QKI: variants seen among roughly 807,000 people sequenced by gnomAD.
QKI encodes the protein KH domain-containing RNA-binding protein QKI.
A neutral mutation model predicts 39.0 loss-of-function variants in QKI; 10 were observed. That is an observed-to-expected ratio of 0.26 (90% CI 0.16 to 0.43). QKI has a LOEUF of 0.43. Ranked by LOEUF, QKI falls within the 20% of genes least tolerant of loss-of-function variation. The pLI is 1.00. For synonymous variants in QKI, 204 were observed against 155.4 expected, an observed-to-expected ratio of 1.31 and a Z score of -2.33; for missense variants, 218 against 428.0, an observed-to-expected ratio of 0.51 and a Z score of 4.33.
At chr6:163,425,043 A>G (rs973335757) in intron 1 of QKI, among the ~76,000 whole-genome samples, 8 of 152,254 alleles carry the variant, frequency 5.3e-5, no homozygotes, top group Admixed American at 5.2e-4. Context: ...TGATGTATCC[A>G]TGTAGGTTCA....
At chr6:163,509,482 G>A (rs1295353141) in intron 3 of QKI, among the ~76,000 whole-genome samples, 1 of 152,006 alleles carries the variant, frequency 6.6e-6, no homozygotes, top group African/African-American at 2.4e-5. Context: ...TAATAAAGGG[G>A]GGGGGGAATA....
At chr6:163,517,081 TTCTCTCTCTC>T (rs757701002) in intron 3 of QKI, among the ~76,000 whole-genome samples, 1 of 97,674 alleles carries the variant, frequency 1.0e-5, no homozygotes, top group African/African-American at 6.3e-5. Flanking sequence ...CTCTCTCTCT[TTCTCTCTCTC>T]TCTCTCTCTC....
rs368091855 is a variant in QKI, at chr6:163,436,579, C to CGAG, written c.143-18698_143-18696dup. The stretch of plus-strand genomic sequence containing the variant: ...CTGTAATCCCAGCACTTTGGGAGGC[C>CGAG]GAGGTGGGCTGATCACTTGAGGCCA... On this transcript the variant is annotated intron_variant, in intron 1 of 7. Transcript: ENST00000361752. 6.3e-4 allele frequency among the ~76,000 whole-genome samples: 96 copies of CGAG among 151,964 alleles called. No individual in the cohort carries two copies. In the East Asian group the frequency reaches 0.018, roughly 28 times the overall value.
chr6:163,538,883 T>G (rs935414790), intron 4 of QKI, among the ~76,000 whole-genome samples: 2 of 152,236 alleles, frequency 1.3e-5, no homozygotes, highest in Non-Finnish European at 2.9e-5. Context: ...TGTCATTTAT[T>G]TACACTTTTA....
intron 7 of QKI, chr6:163,570,409 A>C (rs1042614655): frequency 1.3e-5 from 13 of 974,932 alleles, no homozygotes; most frequent in Non-Finnish European, 1.3e-5. Context: ...ATTAGTTGTT[A>C]GTTGTATTTT....
chr6:163,433,670 G>A (rs1009496694), intron 1 of QKI, among the ~76,000 whole-genome samples: 34 of 152,066 alleles, frequency 2.2e-4, no homozygotes, highest in Non-Finnish European at 8.8e-5. Context: ...GGGAGGCTGA[G>A]GTGGGAGAAT....
In QKI at chr6:163,576,229, C is replaced by T. The variant is rs894832776; in HGVS notation, c.*5519C>T. On this transcript the variant is annotated 3_prime_UTR_variant, in exon 8 of 8. Transcript: ENST00000361752. ...GAGATTTACCAACATTATATGCACT[C>T]GTGCCTTCAATGTGGAATCAAACTG... 1 of 152,074 alleles carries T rather than the reference C, an allele frequency of 6.6e-6. No individual in the cohort carries two copies. Among genetic ancestry groups the T allele is most frequent in the African/African-American group, 2.4e-5 (1 of 41,388 alleles). 9.4% of individuals were successfully genotyped at this position (152,074 alleles called of 1,614,324 possible). A position where few individuals can be genotyped will look rare whatever the true frequency, so the allele number is the denominator to read the frequency against.
At chr6:163,421,703 A>G (rs925009626) in intron 1 of QKI, among the ~76,000 whole-genome samples, 2 of 151,526 alleles carry the variant, frequency 1.3e-5, no homozygotes, top group Non-Finnish European at 2.9e-5. Flanking sequence ...AAACTGATAA[A>G]TTGAAGTTTT....
intron 4 of QKI, among the ~76,000 whole-genome samples, chr6:163,555,509 C>CAG (rs758600870): frequency 1.3e-5 from 1 of 79,392 alleles, no homozygotes; most frequent in African/African-American, 5.3e-5. Flanking sequence ...AACTCCAGCT[C>CAG]AAAAAAAAAA....
In QKI at chr6:163,574,881, T is replaced by C. The variant is rs1783896515; in HGVS notation, c.*4171T>C. 6.6e-6 allele frequency: 1 copy of C among 152,234 alleles called. No individual in the cohort carries two copies. Among genetic ancestry groups the C allele is most frequent in the South Asian group, 2.1e-4 (1 of 4,832 alleles). 9.4% of individuals were successfully genotyped at this position (152,234 alleles called of 1,614,324 possible). A position where few individuals can be genotyped will look rare whatever the true frequency, so the allele number is the denominator to read the frequency against. On this transcript the variant is annotated 3_prime_UTR_variant, in exon 8 of 8. Coordinates refer to ENST00000361752, the MANE Select transcript of QKI (RefSeq NM_006775.3). ...AAATTGAGGGCTGAAATGAATGACATGTAATAGAAGACAAAACTGTACCAA... is the reference window on the plus strand; with the variant it reads ...AAATTGAGGGCTGAAATGAATGACACGTAATAGAAGACAAAACTGTACCAA...
chr6:163,493,124 T>A (rs978612075), intron 3 of QKI, among the ~76,000 whole-genome samples: 1 of 137,110 alleles, frequency 7.3e-6, no homozygotes, highest in Non-Finnish European at 1.5e-5. Flanking sequence ...TAAAAAGTCA[T>A]CTACAATACT....
intron 2 of QKI, among the ~76,000 whole-genome samples, chr6:163,467,566 A>G (rs1231571245): frequency 1.3e-5 from 2 of 152,210 alleles, no homozygotes; most frequent in African/African-American, 4.8e-5. Context: ...TGTACGTAAC[A>G]TGTGCCATGT....
At chr6:163,568,872 T>C in intron 7 of QKI, 1 of 985,820 alleles carries the variant, frequency 1.0e-6, no homozygotes, top group South Asian at 4.7e-5. Flanking sequence ...CTGTATGGTC[T>C]TGCATGGTGA....
At position 163,570,803 on chromosome 6, in the gene QKI, C is replaced by A; in HGVS notation, c.*93C>A. On this transcript the variant is annotated 3_prime_UTR_variant, in exon 8 of 8. Coordinates refer to ENST00000361752, the MANE Select transcript of QKI (RefSeq NM_006775.3). Reference sequence around the variant, plus strand: ...TTAACTGGTAATCGCCTTTGCTTGCCTGTCGTCAGTGCAGCGAGCTGAGGC... The same window carrying A: ...TTAACTGGTAATCGCCTTTGCTTGCATGTCGTCAGTGCAGCGAGCTGAGGC... 6.5e-7 allele frequency: 1 copy of A among 1,529,752 alleles called. No homozygotes were observed. The allele number at this position is 1,529,752 out of a possible 1,614,324, so 94.8% of individuals were successfully genotyped here. A position where few individuals can be genotyped will look rare whatever the true frequency, so the allele number is the denominator to read the frequency against.
chr6:163,528,235 T>C (rs569519087), intron 3 of QKI, among the ~76,000 whole-genome samples: 193 of 152,266 alleles, frequency 1.3e-3, no homozygotes, highest in Non-Finnish European at 4.0e-4. Flanking sequence ...CTAAATTCTG[T>C]GAGGACAAGA....
chr6:163,552,206 C>CTT (rs35060699), intron 4 of QKI, among the ~76,000 whole-genome samples: 4,682 of 101,722 alleles, frequency 0.046, 367 homozygotes, highest in African/African-American at 0.07. Flanking sequence ...TTCGTTCGTT[C>CTT]TTTTTTTTTT....
intron 1 of QKI, among the ~76,000 whole-genome samples, chr6:163,439,688 C>G (rs1312112274): frequency 1.4e-5 from 2 of 146,404 alleles, no homozygotes; most frequent in Non-Finnish European, 3.0e-5. Context: ...CAGAGTCTCA[C>G]TCTGTTGCCC....
chr6:163,491,478 A>G (rs986371013), intron 3 of QKI, among the ~76,000 whole-genome samples: 1 of 150,930 alleles, frequency 6.6e-6, no homozygotes, highest in African/African-American at 2.4e-5. Context: ...ATTTTTTTTT[A>G]TTTTTTATTT....
In QKI at chr6:163,575,247, C is replaced by A. The variant is rs1369995307; in HGVS notation, c.*4537C>A. The A allele has an allele frequency of 2.0e-5, 3 of 152,184 alleles. No individual in the cohort carries two copies. The highest frequency in any genetic ancestry group is 4.4e-5 in the Non-Finnish European group (3 of 68,030). 9.4% of individuals were successfully genotyped at this position (152,184 alleles called of 1,614,324 possible). On this transcript the variant is annotated 3_prime_UTR_variant, in exon 8 of 8. Coordinates refer to ENST00000361752, the MANE Select transcript of QKI (RefSeq NM_006775.3). ...TAACTTAAATTGATGAATTTCTATGCAATTTACTATTCTCTGAAGCCTATG... is the reference window on the plus strand; with the variant it reads ...TAACTTAAATTGATGAATTTCTATGAAATTTACTATTCTCTGAAGCCTATG...
Sources: allele counts gnomAD v4.1 joint callset (sites outside exome capture counted in the v4.1 genomes callset), GRCh38; gene constraint gnomAD v4.1.1; transcripts MANE v1.5; gene names NCBI Gene and HGNC (gene_info 2026-07-23, HGNC 2026-07-21).